Variants in GLIS3 observed in about 807,000 individuals in gnomAD.
The protein encoded by GLIS3 is zinc finger protein GLIS3.
GLIS3 carries 53 observed loss-of-function variants against 78.6 expected under a neutral mutation model. That is an observed-to-expected ratio of 0.67 (90% CI 0.54 to 0.85). The LOEUF (loss-of-function observed/expected upper bound fraction) is 0.85, where lower values mean the gene tolerates loss of function less well. Ranked by LOEUF, GLIS3 falls within the 40% of genes least tolerant of loss-of-function variation. The probability of loss-of-function intolerance (pLI) is 0.00; values close to 1 mark genes in which losing one functional copy is unlikely to be tolerated. For synonymous variants in GLIS3, 684 were observed against 509.9 expected, an observed-to-expected ratio of 1.34 and a Z score of -4.60; for missense variants, 1,703 against 1,231.1, an observed-to-expected ratio of 1.38 and a Z score of -5.74.
intron 2 of GLIS3, among the ~76,000 whole-genome samples, chr9:4,249,829 GC>G: frequency 6.6e-6 from 1 of 152,194 alleles, no homozygotes; most frequent in East Asian, 1.9e-4. Context: ...TTAGCATGAA[GC>G]TGTGTTGAAT....
At chr9:4,301,755 G>A (rs1265769387), upstream of GLIS3, among the ~76,000 whole-genome samples, 1 of 152,146 alleles carries the variant, frequency 6.6e-6, no homozygotes, top group East Asian at 1.9e-4. Context: ...CAAATGATGG[G>A]AACAGCTTAG....
chr9:4,195,850 T>A (rs916083492), intron 2 of GLIS3, among the ~76,000 whole-genome samples: 1 of 152,248 alleles, frequency 6.6e-6, no homozygotes, highest in African/African-American at 2.4e-5. Context: ...GTGTTCTGTG[T>A]CTAGCTAATC....
intron 4 of GLIS3, among the ~76,000 whole-genome samples, chr9:4,111,564 T>C (rs537916693): frequency 5.3e-5 from 8 of 152,354 alleles, no homozygotes; most frequent in Admixed American, 2.6e-4. Context: ...AGATGCCTTA[T>C]AGACTGTGGT....
the GLIS3 span, among the ~76,000 whole-genome samples, chr9:4,374,712 T>G: frequency 6.6e-6 from 1 of 152,290 alleles, no homozygotes; most frequent in East Asian, 1.9e-4. Context: ...TCTAGATGAA[T>G]GATCACATAC....
intron 2 of GLIS3, among the ~76,000 whole-genome samples, chr9:4,228,336 C>T (rs1460458072): frequency 1.3e-5 from 2 of 152,002 alleles, no homozygotes; most frequent in African/African-American, 4.8e-5. Context: ...GGAGTCGGGG[C>T]TGAGCCGGAG....
rs568337010 is a variant in GLIS3, at chr9:4,203,605, T to C, written c.389-77664A>G. 1.4e-4 allele frequency among the ~76,000 whole-genome samples: 21 copies of C among 152,324 alleles called. No homozygotes were observed. In the South Asian group the frequency reaches 4.4e-3, roughly 32 times the overall value. ...CCACAATCCCATTACTGGATCTGGG[T>C]ATATATCCAAAAGAAAACAAATTTT... On this transcript the variant is annotated intron_variant, in intron 2 of 10. Coordinates refer to ENST00000381971, the MANE Select transcript of GLIS3 (RefSeq NM_001042413.2).
At chr9:4,013,802 GGA>G (rs1208172169) in intron 4 of GLIS3, among the ~76,000 whole-genome samples, 1 of 152,160 alleles carries the variant, frequency 6.6e-6, no homozygotes, top group African/African-American at 2.4e-5. Flanking sequence ...AGGCTAGGTA[GGA>G]GATAAAATCT....
intron 4 of GLIS3, among the ~76,000 whole-genome samples, chr9:4,113,116 T>C (rs1260008930): frequency 6.6e-6 from 1 of 152,038 alleles, no homozygotes; most frequent in African/African-American, 2.4e-5. Flanking sequence ...TTTGCACATA[T>C]TTTTTTCACT....
At chr9:4,403,222 C>G in the GLIS3 span, among the ~76,000 whole-genome samples, 1 of 152,172 alleles carries the variant, frequency 6.6e-6, no homozygotes, top group Non-Finnish European at 1.5e-5. Context: ...AAATACCCTT[C>G]AAGCAGTAAG....
chr9:4,044,220 T>G (rs1055052685), intron 4 of GLIS3, among the ~76,000 whole-genome samples: 1 of 152,216 alleles, frequency 6.6e-6, no homozygotes, highest in Non-Finnish European at 1.5e-5. Context: ...GAACAGTGTG[T>G]GGCTCTTAAC....
chr9:3,898,894 C>T, intron 6 of GLIS3, 59 bp from the exon 7 acceptor site: 1 of 1,610,594 alleles, frequency 6.2e-7, no homozygotes, highest in Non-Finnish European at 8.5e-7. Context: ...GAATATTTTC[C>T]TGGGAAGGCA....
chr9:3,850,099 C>T (rs779564215), intron 9 of GLIS3, among the ~76,000 whole-genome samples: 1 of 152,196 alleles, frequency 6.6e-6, no homozygotes, highest in Non-Finnish European at 1.5e-5. Context: ...CTTCTAATTA[C>T]AGCAGTAATA....
chr9:4,102,454 C>G (rs1830441253), intron 4 of GLIS3, among the ~76,000 whole-genome samples: 1 of 152,188 alleles, frequency 6.6e-6, no homozygotes. Context: ...CAGTGTTTCT[C>G]AACCAGGGGC....
At chr9:4,270,906 TG>T (rs1826445371) in intron 2 of GLIS3, among the ~76,000 whole-genome samples, 1 of 50,862 alleles carries the variant, frequency 2.0e-5, no homozygotes, top group African/African-American at 7.1e-5. Flanking sequence ...TGTGTGTGTG[TG>T]TGTGTGTGTG....
intron 4 of GLIS3, among the ~76,000 whole-genome samples, chr9:4,044,230 C>T (rs1262006782): frequency 1.3e-5 from 2 of 152,182 alleles, no homozygotes; most frequent in Admixed American, 1.3e-4. Context: ...TGGCTCTTAA[C>T]TCTACCTGTG....
At chr9:4,285,608 C>T (rs543532472) in intron 2 of GLIS3, 1 of 156,060 alleles carries the variant, frequency 6.4e-6, no homozygotes, top group Admixed American at 6.5e-5. Context: ...CACCTTTCTT[C>T]TACACTATAC....
chr9:4,206,053 G>T (rs1263404645), intron 2 of GLIS3, among the ~76,000 whole-genome samples: 1 of 152,162 alleles, frequency 6.6e-6, no homozygotes, highest in South Asian at 2.1e-4. Flanking sequence ...TAGAAGAGAA[G>T]AGTTGAAGGT....
At chr9:4,017,125 T>C (rs747310611) in intron 4 of GLIS3, among the ~76,000 whole-genome samples, 20 of 152,198 alleles carry the variant, frequency 1.3e-4, no homozygotes, top group Non-Finnish European at 2.4e-4. Context: ...TCTAGACTTC[T>C]TCCCACCACA....
At chr9:4,163,766 C>T (rs1428637929) in intron 2 of GLIS3, among the ~76,000 whole-genome samples, 7 of 152,172 alleles carry the variant, frequency 4.6e-5, no homozygotes, top group African/African-American at 1.7e-4. Flanking sequence ...ATTAGGTATG[C>T]TCAGAATTGT....
Sources: gnomAD v4.1 joint callset for allele counts (sites outside exome capture counted in the v4.1 genomes callset) on GRCh38, gnomAD v4.1.1 for gene constraint, MANE v1.5 for transcripts, NCBI Gene and HGNC (gene_info 2026-07-23, HGNC 2026-07-21) for gene names.